Variants in SCRG1 observed in about 807,000 individuals in gnomAD.
SCRG1 encodes scrapie-responsive protein 1.
In SCRG1, 3 loss-of-function variants were observed where a neutral mutation model predicts 7.7. The observed-to-expected ratio is 0.39, with a 90% confidence interval of 0.18 to 1.01. The LOEUF (loss-of-function observed/expected upper bound fraction) is 1.01. Among genes scored for constraint, SCRG1 ranks in the 50% least tolerant of loss-of-function variants. The probability of loss-of-function intolerance (pLI) is 0.36; values close to 1 mark genes in which losing one functional copy is unlikely to be tolerated. For missense variants in SCRG1, 110 were observed against 117.2 expected, an observed-to-expected ratio of 0.94 and a Z score of 0.28; for synonymous variants, 46 against 41.2, an observed-to-expected ratio of 1.12 and a Z score of -0.44.
the SCRG1 span, among the ~76,000 whole-genome samples, chr4:173,498,576 G>A: frequency 2.6e-5 from 4 of 152,242 alleles, no homozygotes; most frequent in Admixed American, 6.5e-5. Context: ...AGAATGAGCA[G>A]GGTTCCAGTG....
At chr4:173,469,778 AT>A in the SCRG1 span, 1 of 152,372 alleles carries the variant, frequency 6.6e-6, no homozygotes, top group East Asian at 1.9e-4. Context: ...GAAGGGAAGA[AT>A]CGTTCTCCAG....
chr4:173,488,853 G>C, the SCRG1 span, among the ~76,000 whole-genome samples: 2 of 152,102 alleles, frequency 1.3e-5, no homozygotes, highest in Non-Finnish European at 1.5e-5. Context: ...AGCTAGCCTT[G>C]GTCCTTACTC....
chr4:173,455,766 T>G, the SCRG1 span, among the ~76,000 whole-genome samples: 1 of 150,662 alleles, frequency 6.6e-6, no homozygotes, highest in African/African-American at 2.5e-5. Flanking sequence ...ATACCAAGCT[T>G]AAAAAGGAAT....
the SCRG1 span, among the ~76,000 whole-genome samples, chr4:173,483,187 A>G: frequency 8.5e-6 from 1 of 118,154 alleles, no homozygotes; most frequent in Non-Finnish European, 1.7e-5. Context: ...AATATATTAT[A>G]TATGATATAT....
At chr4:173,511,134 T>G in the SCRG1 span, among the ~76,000 whole-genome samples, 1 of 152,096 alleles carries the variant, frequency 6.6e-6, no homozygotes, top group Non-Finnish European at 1.5e-5. The surrounding 1 kb of genome is among the most constrained non-coding windows in gnomAD (Gnocchi z 5.2). Context: ...GCCCGGCTAA[T>G]TTTTTGTATA....
At chr4:173,438,602 T>C in the SCRG1 span, among the ~76,000 whole-genome samples, 1 of 152,130 alleles carries the variant, frequency 6.6e-6, no homozygotes, top group Non-Finnish European at 1.5e-5. Context: ...TAATCATGAG[T>C]TTCTTAATAA....
the SCRG1 span, among the ~76,000 whole-genome samples, chr4:173,485,631 C>G: frequency 6.6e-6 from 1 of 152,046 alleles, no homozygotes; most frequent in Non-Finnish European, 1.5e-5. Flanking sequence ...AGATTTTTAT[C>G]TGATTCTCAA....
chr4:173,502,574 G>C, the SCRG1 span, among the ~76,000 whole-genome samples: 1 of 152,166 alleles, frequency 6.6e-6, no homozygotes, highest in Non-Finnish European at 1.5e-5. The surrounding 1 kb of genome is among the most constrained non-coding windows in gnomAD (Gnocchi z 4.6). Context: ...CCACTTGAAT[G>C]GTGGCCTAAT....
the SCRG1 span, among the ~76,000 whole-genome samples, chr4:173,517,053 A>C: frequency 6.6e-6 from 1 of 152,182 alleles, no homozygotes; most frequent in Admixed American, 6.5e-5. Flanking sequence ...GAGAGGGAGG[A>C]GGCAGGGAAG....
the SCRG1 span, among the ~76,000 whole-genome samples, chr4:173,423,286 A>T: frequency 4.6e-5 from 7 of 152,338 alleles, no homozygotes; most frequent in East Asian, 9.6e-4. Context: ...AAAGATAAGG[A>T]TTCATCTAAG....
At chr4:173,498,216 G>C in the SCRG1 span, among the ~76,000 whole-genome samples, 1 of 152,196 alleles carries the variant, frequency 6.6e-6, no homozygotes, top group Admixed American at 6.5e-5. Context: ...CTTCTCATTA[G>C]AGGAACTGAA....
the SCRG1 span, among the ~76,000 whole-genome samples, chr4:173,483,263 CATATATGATATATA>C: frequency 2.3e-3 from 49 of 21,328 alleles, 3 homozygotes; most frequent in African/African-American, 4.4e-3. Flanking sequence ...TATGATATAT[CATATATGATATATA>C]ATATATGATA....
the SCRG1 span, among the ~76,000 whole-genome samples, chr4:173,446,142 T>G: frequency 6.6e-6 from 1 of 152,188 alleles, no homozygotes; most frequent in South Asian, 2.1e-4. Context: ...GGTTTCCCTT[T>G]TGTGCCCCTG....
the SCRG1 span, among the ~76,000 whole-genome samples, chr4:173,483,228 T>A: frequency 1.2e-5 from 1 of 81,524 alleles, no homozygotes; most frequent in Non-Finnish European, 2.2e-5. Flanking sequence ...ATATATATAT[T>A]ATATATAATA....
the SCRG1 span, among the ~76,000 whole-genome samples, chr4:173,479,724 GC>G: frequency 3.0e-4 from 46 of 152,204 alleles, no homozygotes; most frequent in Non-Finnish European, 6.6e-4. Flanking sequence ...ACAGGCGTGA[GC>G]CACCATGCCC....
chr4:173,485,453 A>G, the SCRG1 span, among the ~76,000 whole-genome samples: 3 of 151,386 alleles, frequency 2.0e-5, no homozygotes, highest in African/African-American at 7.3e-5. Flanking sequence ...AAGCCATTAG[A>G]TGACTGAGGC....
chr4:173,492,059 G>A, the SCRG1 span, among the ~76,000 whole-genome samples: 637 of 152,226 alleles, frequency 4.2e-3, 5 homozygotes, highest in African/African-American at 0.014. Context: ...GAGCCTGTGA[G>A]GTTGAGGCTG....
the SCRG1 span, among the ~76,000 whole-genome samples, chr4:173,463,284 A>T: frequency 3.9e-5 from 6 of 151,916 alleles, no homozygotes; most frequent in East Asian, 5.8e-4. Context: ...TTATTTATTT[A>T]TTTTTTCGAG....
At chr4:173,512,338 A>G in the SCRG1 span, among the ~76,000 whole-genome samples, 1 of 152,332 alleles carries the variant, frequency 6.6e-6, no homozygotes, top group East Asian at 1.9e-4. Context: ...GTTCAGAGGA[A>G]ATGAGAATCA....
Sources: gnomAD v4.1 joint callset for allele counts (sites outside exome capture counted in the v4.1 genomes callset) on GRCh38, gnomAD v4.1.1 for gene constraint, Gnocchi (gnomAD v3.1) non-coding constraint, MANE v1.5 for transcripts, NCBI Gene and HGNC (gene_info 2026-07-23, HGNC 2026-07-21) for gene names.